The following DDX55 variants were observed in gnomAD, a reference collection of about 807,000 sequenced individuals.
DDX55 encodes the protein ATP-dependent RNA helicase DDX55.
DDX55 carries 56 observed loss-of-function variants against 69.2 expected under a neutral mutation model. The observed-to-expected ratio is 0.81, with a 90% CI of 0.65 to 1.01. The LOEUF (loss-of-function observed/expected upper bound fraction) is 1.01, where lower values mean the gene tolerates loss of function less well. Ranked by LOEUF, DDX55 falls within the 50% of genes least tolerant of loss-of-function variation. The probability of loss-of-function intolerance (pLI) is 0.00; values close to 1 mark genes in which losing one functional copy is unlikely to be tolerated. For synonymous variants in DDX55, 268 were observed against 273.1 expected (o/e 0.98, Z 0.18); for missense variants, 720 against 745.1 (o/e 0.97, Z 0.39).
At chr12:123,611,204 A>G (rs1245131956) in intron 7 of DDX55, among the ~76,000 whole-genome samples, 2 of 152,232 alleles carry the variant, frequency 1.3e-5, no homozygotes, top group African/African-American at 4.8e-5. Context: ...TGGCCCAAAT[A>G]TGCTGAATTT....
intron 7 of DDX55, among the ~76,000 whole-genome samples, chr12:123,610,729 A>G (rs574113037): frequency 2.1e-5 from 3 of 143,002 alleles, no homozygotes. Context: ...CTCCTGCCTC[A>G]GCCTCCCGAA....
At chr12:123,610,262 A>G in intron 7 of DDX55, 134 bp downstream of exon 7, 5 of 1,156,332 alleles carry the variant, frequency 4.3e-6, no homozygotes, top group Non-Finnish European at 6.0e-6. Context: ...TAGCTAGGGC[A>G]AATGGCCTGA....
rs1298604374 is a variant in DDX55 at position 123,620,184 on chromosome 12, A to G, written c.*44A>G. ...ACCCACAAGGACATAGCTGTTCCCT[A>G]ACTTGGTGGATGGCTCCAGTTTGCT... is the stretch of plus-strand genomic sequence containing the variant. On this transcript the variant is annotated 3_prime_UTR_variant, in exon 14 of 14. Transcript: ENST00000238146. The G allele has an allele frequency of 1.9e-6, 3 of 1,550,838 alleles. No individual in the cohort carries two copies. Among genetic ancestry groups the G allele is most frequent in the Non-Finnish European group, 1.7e-6 (2 of 1,145,104 alleles).
chr12:123,610,145 GCTT>G lies in DDX55; in HGVS notation c.741+21_741+23del. 6.2e-7 allele frequency: 1 copy of G among 1,605,662 alleles called. No individual in the cohort carries two copies. Among genetic ancestry groups the G allele is most frequent in the South Asian group, 1.1e-5 (1 of 89,986 alleles). On this transcript the variant is annotated intron_variant, in intron 7 of 13. Transcript: ENST00000238146. ...TACTACATGGTAAGCGCCTGGGCTT[GCTT>G]CTTACTCAGCGATAATGACCAGTGC...
chr12:123,605,937 A>C lies in DDX55; in HGVS notation c.115A>C (p.Thr39Pro), dbSNP rs774800840. ...TTGCAATCTCTCTCTTTAGTCCGCA[A>C]CCATCCCTCTGTTCATGCGAAACAA... Reference protein sequence around the residue: ...FPYMTPVQSATIPLFMRNKDV... With the variant: ...FPYMTPVQSAPIPLFMRNKDV... Residue 39 changes from threonine (T) to proline (P), a missense_variant, in exon 2 of 14, where the codon ACC becomes CCC. Coordinates refer to ENST00000238146, the MANE Select transcript of DDX55 (RefSeq NM_020936.3). 1 of 1,614,150 alleles carries C rather than the reference A, an allele frequency of 6.2e-7. No individual in the cohort carries two copies. The highest frequency in any genetic ancestry group is 8.5e-7 in the Non-Finnish European group (1 of 1,180,018).
intron 1 of DDX55, among the ~76,000 whole-genome samples, chr12:123,602,690 AT>A (rs1422060433): frequency 3.9e-5 from 6 of 152,098 alleles, no homozygotes; most frequent in Admixed American, 3.9e-4. Flanking sequence ...CTTCAAGAAT[AT>A]TTCTTGAGGA....
chr12:123,606,583 C>CT (rs11445443), intron 3 of DDX55, among the ~76,000 whole-genome samples: 90,321 of 138,386 alleles, frequency 0.65, 30,159 homozygotes, highest in East Asian at 0.89. Context: ...TGTTTTTTAC[C>CT]TTTTTTTTTT....
In DDX55 at chr12:123,619,483, A is replaced by G. The variant is rs749131679; in HGVS notation, c.1385A>G (p.Lys462Arg). 10 of 1,613,802 alleles carry G rather than the reference A, an allele frequency of 6.2e-6. No homozygotes were observed. The South Asian group carries it at 8.8e-5, about 14-fold the overall frequency. ...ARGFALLRMP[K>R]MPELRGKQFP... is the part of the protein sequence containing the mutation. ...GGTTTTGCCCTGCTGAGGATGCCCAAGATGCCAGAATTGAGAGGAAAGCAG... is the reference window on the plus strand; with the variant it reads ...GGTTTTGCCCTGCTGAGGATGCCCAGGATGCCAGAATTGAGAGGAAAGCAG... Residue 462 changes from lysine (K) to arginine (R), a missense_variant, in exon 13 of 14, where the codon AAG (lysine) becomes AGG (arginine). By Grantham distance (26) the Lys-to-Arg change is conservative. Transcript: ENST00000238146.
chr12:123,605,935 C>A lies in DDX55; in HGVS notation c.113C>A (p.Ala38Glu), dbSNP rs769120690. Residue 38 changes from alanine to glutamate, a missense_variant, in exon 2 of 14, where the codon GCA (alanine) becomes GAA (glutamate). Coordinates refer to ENST00000238146, the MANE Select transcript of DDX55 (RefSeq NM_020936.3). ...CTTTGCAATCTCTCTCTTTAGTCCG[C>A]AACCATCCCTCTGTTCATGCGAAAC... ...GFPYMTPVQS[A>E]TIPLFMRNKD... The A allele has an allele frequency of 1.2e-6, 2 of 1,614,068 alleles. No homozygotes were observed. Among genetic ancestry groups the A allele is most frequent in the Non-Finnish European group, 1.7e-6 (2 of 1,180,034 alleles).
At chr12:123,617,377 C>G (rs1004836203) in intron 10 of DDX55, among the ~76,000 whole-genome samples, 5 of 152,174 alleles carry the variant, frequency 3.3e-5, no homozygotes, top group African/African-American at 1.2e-4. Context: ...CATGCTTCCA[C>G]GCATAGGAAA....
Position 123,615,176 on chromosome 12 carries a change from C to T in DDX55, c.825-9C>T. On this transcript the variant is annotated splice_polypyrimidine_tract_variant and intron_variant, in intron 8 of 13. Coordinates refer to ENST00000238146, the MANE Select transcript of DDX55 (RefSeq NM_020936.3). The stretch of plus-strand genomic sequence containing the variant: ...GCCAATGACTCTAAGCCCTCTGTCC[C>T]TCTTGCAGCACCTGTGCCTGTGTGG... The T allele has an allele frequency of 1.2e-6, 2 of 1,613,912 alleles. No individual in the cohort carries two copies. Among genetic ancestry groups the T allele is most frequent in the Non-Finnish European group, 1.7e-6 (2 of 1,179,830 alleles).
chr12:123,605,870 C>T (rs767073235), intron 1 of DDX55, 61 bp from the exon 2 acceptor site: 42 of 1,610,870 alleles, frequency 2.6e-5, no homozygotes, highest in East Asian at 1.3e-4. Context: ...CCTAGGGCTT[C>T]GGGTCTCACC....
Sources: gnomAD v4.1 joint callset for allele counts (sites outside exome capture counted in the v4.1 genomes callset) on GRCh38, gnomAD v4.1.1 for gene constraint, MANE v1.5 for transcripts, NCBI Gene and HGNC (gene_info 2026-07-23, HGNC 2026-07-21) for gene names.